Variants in ELOA observed in about 807,000 individuals in gnomAD.
The protein encoded by ELOA is elongin-A.
ELOA carries 15 observed loss-of-function variants against 85.2 expected under a neutral mutation model. The observed-to-expected ratio is 0.18, with a 90% CI of 0.12 to 0.27. ELOA has a LOEUF of 0.27. Ranked by LOEUF, ELOA falls within the 10% of genes least tolerant of loss-of-function variation. The pLI is 1.00. For missense variants in ELOA, 769 were observed against 952.7 expected, an observed-to-expected ratio of 0.81 and a Z score of 2.54; for synonymous variants, 348 against 357.2, an observed-to-expected ratio of 0.97 and a Z score of 0.29.
chr1:23,759,502 C>G lies in ELOA; in HGVS notation c.2258-10C>G. The G allele has an allele frequency of 6.2e-7, 1 of 1,614,204 alleles. No individual in the cohort carries two copies. Among genetic ancestry groups the G allele is most frequent in the Non-Finnish European group, 8.5e-7 (1 of 1,180,018 alleles). On this transcript the variant is annotated splice_polypyrimidine_tract_variant and intron_variant, in intron 10 of 10. Transcript: ENST00000613537. ...GATCTGAGACAGCTGCCTTGTTTCT[C>G]TTTTCACAGAAATTGCCCCAATGAT...
chr1:23,761,040 GT>G lies in ELOA; in HGVS notation c.*1471del, dbSNP rs1638287039. 6.6e-6 allele frequency: 1 copy of G among 152,150 alleles called. No individual in the cohort carries two copies. The highest frequency in any genetic ancestry group is 2.4e-5 in the African/African-American group (1 of 41,414). The allele number at this position is 152,150 out of a possible 1,614,324, so 9.4% of individuals were successfully genotyped here. On this transcript the variant is annotated 3_prime_UTR_variant, in exon 11 of 11. Transcript: ENST00000613537. The stretch of plus-strand genomic sequence containing the variant: ...TCAAAGCCCAGGATACAGAGCCAGT[GT>G]TTTCTGTAACTGGAGACCTCAGTTA...
Position 23,760,339 on chromosome 1 carries a change from G to A in ELOA, c.*766G>A, listed in dbSNP as rs769563942. 1.3e-5 allele frequency: 2 copies of A among 150,706 alleles called. No homozygotes were observed. Among genetic ancestry groups the A allele is most frequent in the African/African-American group, 2.4e-5 (1 of 40,960 alleles). 9.3% of individuals were successfully genotyped at this position (150,706 alleles called of 1,614,324 possible). ...TTTTCTTTGAGGCTCACTAGAGGAC[G>A]CAGAACCTTGGGAGATTGATTTGCA... On this transcript the variant is annotated 3_prime_UTR_variant, in exon 11 of 11. Coordinates refer to ENST00000613537, the MANE Select transcript of ELOA (RefSeq NM_003198.3).
chr1:23,756,045 G>A (rs1436997170), intron 8 of ELOA, 22 bp downstream of exon 8: 2 of 1,607,938 alleles, frequency 1.2e-6, no homozygotes, highest in Non-Finnish European at 8.5e-7. Context: ...GGGAGAGCTG[G>A]GGGAGAACTG....
At position 23,749,868 on chromosome 1, in the gene ELOA, T is replaced by C. The variant is rs762660059; in HGVS notation, c.159T>C (p.Asn53=). The C allele has an allele frequency of 2.5e-6, 4 of 1,613,834 alleles. No individual in the cohort carries two copies. Among genetic ancestry groups the C allele is most frequent in the Non-Finnish European group, 3.4e-6 (4 of 1,179,862 alleles). Residue 53 remains asparagine (N), a synonymous_variant, in exon 3 of 11, where the codon AAT becomes AAC. Transcript: ENST00000613537. ...AGACTGGGGTTGGGAAAACAGTAAA[T>C]AGCTTGCGAAAACACGAGCATGTTG... ...LAETGVGKTV[N]SLRKHEHVGS... is the part of the protein sequence containing the mutation.
intron 1 of ELOA, chr1:23,744,272 T>C (rs1390377289): frequency 6.6e-6 from 1 of 152,210 alleles, no homozygotes; most frequent in Admixed American, 6.5e-5. Context: ...AATAGGAAGG[T>C]AAGAGCTACC....
At chr1:23,755,820 T>C (rs1473119350) in intron 7 of ELOA, 23 bp from the exon 8 acceptor site, 1 of 1,557,506 alleles carries the variant, frequency 6.4e-7, no homozygotes, top group East Asian at 2.3e-5. Flanking sequence ...TGTACACAAA[T>C]GATGTCCTGG....
At position 23,756,990 on chromosome 1, in the gene ELOA, G is replaced by T. The variant is rs746326810; in HGVS notation, c.2122G>T (p.Ala708Ser). 8 of 1,590,524 alleles carry T rather than the reference G, an allele frequency of 5.0e-6. No individual in the cohort carries two copies. The Admixed American group carries it at 7.4e-5, about 15-fold the overall frequency. The change falls in exon 10 of 11, where the codon GCT (alanine) becomes TCT (serine). Residue 708 changes from alanine (A) to serine (S), a missense_variant. Ala to Ser is a moderately conservative substitution (Grantham distance 99). Around this residue, in one of 4 missense-constraint regions of ELOA, gnomAD observed 116 missense variants for 141.0 expected, o/e 0.82. Transcript: ENST00000613537. Reference protein sequence around the residue: ...PAPYPMGSSHASASSISFNPS... With the variant: ...PAPYPMGSSHSSASSISFNPS... ...CCCGTACCCCATGGGAAGCAGCCAT[G>T]CTTCCGCCAGTAGCATCAGCTTTAA...
At chr1:23,758,275 T>TTTTA (rs1638237483) in intron 10 of ELOA, among the ~76,000 whole-genome samples, 2 of 103,686 alleles carry the variant, frequency 1.9e-5, no homozygotes, top group African/African-American at 7.5e-5. Flanking sequence ...TTTTTTTTTT[T>TTTTA]TTTTTTTTTT....
intron 1 of ELOA, chr1:23,743,980 G>C (rs1014340438): frequency 6.2e-6 from 1 of 160,578 alleles, no homozygotes; most frequent in Non-Finnish European, 1.4e-5. Flanking sequence ...CCCGCGGAGC[G>C]GCGCGGACTC....
At chr1:23,746,608 CAAAAAAAAA>C (rs55782205) in intron 1 of ELOA, among the ~76,000 whole-genome samples, 5 of 68,438 alleles carry the variant, frequency 7.3e-5, no homozygotes, top group African/African-American at 1.1e-4. Flanking sequence ...ACTCCATCTC[CAAAAAAAAA>C]AAAAAAAAAA....
At chr1:23,743,974 C>T (rs1195881034) in intron 1 of ELOA, 2 of 160,848 alleles carry the variant, frequency 1.2e-5, no homozygotes, top group East Asian at 1.8e-4. Flanking sequence ...CGGCTCCCCG[C>T]GGAGCGGCGC....
Position 23,751,596 on chromosome 1 carries a change from A to G in ELOA, c.991A>G (p.Arg331Gly). Reference protein sequence around the residue: ...SDNHLKKPKHRDPEKAKLDKS... With the variant: ...SDNHLKKPKHGDPEKAKLDKS... ...CAACCACCTGAAAAAGCCAAAGCAC[A>G]GAGACCCAGAGAAAGCCAAATTGGA... The change falls in exon 4 of 11, where the codon AGA becomes GGA. Residue 331 changes from arginine to glycine, a missense_variant. Physicochemically the swap from Arg to Gly is moderately radical, Grantham distance 125. This residue lies in a region of ELOA where 440 missense variants were observed against 474.0 expected (regional missense o/e 0.93). Coordinates refer to ENST00000613537, the MANE Select transcript of ELOA (RefSeq NM_003198.3). The G allele has an allele frequency of 6.2e-7, 1 of 1,614,256 alleles. No individual in the cohort carries two copies. Among genetic ancestry groups the G allele is most frequent in the Non-Finnish European group, 8.5e-7 (1 of 1,180,050 alleles).
At chr1:23,758,306 C>G (rs1260190144) in intron 10 of ELOA, among the ~76,000 whole-genome samples, 11 of 90,220 alleles carry the variant, frequency 1.2e-4, no homozygotes, top group African/African-American at 4.6e-4. Context: ...CAGAGTCTCA[C>G]TCTGTCGCCT....
chr1:23,750,085 A>G (rs926924395), intron 3 of ELOA, 137 bp downstream of exon 3: 7 of 559,184 alleles, frequency 1.3e-5, no homozygotes, highest in Non-Finnish European at 1.8e-5. Context: ...ATCATTGTAG[A>G]ATATTAGAAA....
chr1:23,758,276 T>A lies in ELOA; in HGVS notation c.2257+1151T>A, dbSNP rs75240145. ...ATTTATTTATTTTTTTTTTTTTTTT[T>A]TTTTTTTTTTTTTTGGAGACAGAGT... On this transcript the variant is annotated intron_variant, in intron 10 of 10. Transcript: ENST00000613537. 3.7e-3 allele frequency among the ~76,000 whole-genome samples: 381 copies of A among 104,090 alleles called. 10 individuals carry two copies. Among genetic ancestry groups the A allele is most frequent in the East Asian group, 9.3e-3 (33 of 3,550 alleles). 68.3% of individuals were successfully genotyped at this position (104,090 alleles called of 152,430 possible).
chr1:23,748,945 G>A, intron 1 of ELOA, 76 bp from the exon 2 acceptor site: 1 of 1,178,624 alleles, frequency 8.5e-7, no homozygotes, highest in East Asian at 2.4e-5. Context: ...TAAATGGTTA[G>A]CACTAAGCAC....
Position 23,750,962 on chromosome 1 carries a change from G to A in ELOA, c.357G>A (p.Thr119=), listed in dbSNP as rs1448680463. ...ACTACCAAGAAACCTGGAAAGCCAC[G>A]GGGAGCCGATCCTATAGCCCTGACC... ...EGDYQETWKA[T]GSRSYSPDHR... The change falls in exon 4 of 11, where the codon ACG becomes ACA. Residue 119 remains threonine (T), a synonymous_variant. Transcript: ENST00000613537. The A allele has an allele frequency of 5.0e-6, 8 of 1,613,878 alleles. No individual in the cohort carries two copies. In the East Asian group the frequency reaches 6.7e-5, roughly 13 times the overall value.
At position 23,754,451 on chromosome 1, in the gene ELOA, A is replaced by G. The variant is rs916241064; in HGVS notation, c.1782A>G (p.Glu594=). 4 of 1,613,778 alleles carry G rather than the reference A, an allele frequency of 2.5e-6. No homozygotes were observed. In the African/African-American group the frequency reaches 5.3e-5, roughly 22 times the overall value. Residue 594 remains glutamate, a synonymous_variant, in exon 7 of 11, where the codon GAA becomes GAG. Coordinates refer to ENST00000613537, the MANE Select transcript of ELOA (RefSeq NM_003198.3). ...CTGATCAGCTGTATCGCATAGAGGA[A>G]TACAATCATGTGAGTATTCTGTTTG... is the stretch of plus-strand genomic sequence containing the variant. ...CTPDQLYRIE[E]YNHVLIEETD...
chr1:23,743,667 G>A (rs983391519), intron 1 of ELOA, 89 bp downstream of exon 1: 108 of 1,346,450 alleles, frequency 8.0e-5, no homozygotes, highest in Non-Finnish European at 9.9e-5. Context: ...GGGGTTCGGG[G>A]GCTGGGACCC....
Sources: gnomAD v4.1 joint callset for allele counts (sites outside exome capture counted in the v4.1 genomes callset) on GRCh38, gnomAD v4.1.1 for gene constraint, gnomAD v4.1.1 regional missense constraint, MANE v1.5 for transcripts, NCBI Gene and HGNC (gene_info 2026-07-23, HGNC 2026-07-21) for gene names.